The following SLC1A6 variants were observed in gnomAD, a reference collection of about 807,000 sequenced individuals.
The protein encoded by SLC1A6 is solute carrier family 1 member 6.
A neutral mutation model predicts 42.1 loss-of-function variants in SLC1A6; 15 were observed. The ratio of observed to expected loss-of-function variants is 0.36; its 90% CI spans 0.24 to 0.55. The LOEUF (loss-of-function observed/expected upper bound fraction) is 0.55. Among genes scored for constraint, SLC1A6 ranks in the 20% least tolerant of loss-of-function variants. SLC1A6 has a pLI of 0.88. For synonymous variants in SLC1A6, 317 were observed against 319.7 expected, an observed-to-expected ratio of 0.99 and a Z score of 0.09; for missense variants, 542 against 772.5, an observed-to-expected ratio of 0.70 and a Z score of 3.54.
chr19:14,961,765 T>G (rs978203592), intron 6 of SLC1A6: 10 of 511,006 alleles, frequency 2.0e-5, no homozygotes, highest in Non-Finnish European at 3.4e-5. Flanking sequence ...GAGTGAGATA[T>G]TCCATGAACT....
rs2045514815 is a variant in SLC1A6, at chr19:14,961,834, G to A, written c.935+168C>T. The A allele has an allele frequency of 4.0e-6, 4 of 995,730 alleles. No individual in the cohort carries two copies. In the South Asian group the frequency reaches 7.7e-5, roughly 19 times the overall value. The allele number at this position is 995,730 out of a possible 1,614,324, so 61.7% of individuals were successfully genotyped here. ...ATGAACAAGGAAGTCAACTAGTGATGAAATCATCCCAGAAAGACATGAATG... is the reference window on the plus strand; with the variant it reads ...ATGAACAAGGAAGTCAACTAGTGATAAAATCATCCCAGAAAGACATGAATG... On this transcript the variant is annotated intron_variant, in intron 6 of 9. Transcript: ENST00000594383.
chr19:14,962,590 A>T (rs935609235), intron 5 of SLC1A6, among the ~76,000 whole-genome samples: 1 of 152,182 alleles, frequency 6.6e-6, no homozygotes, highest in African/African-American at 2.4e-5. Flanking sequence ...GAAAAATCAT[A>T]TGGAGCTTCC....
intron 1 of SLC1A6, among the ~76,000 whole-genome samples, chr19:14,993,457 T>A (rs1290982748): frequency 1.3e-5 from 2 of 152,120 alleles, no homozygotes; most frequent in African/African-American, 2.4e-5. Context: ...TTTTATAATT[T>A]AAAAAAATCA....
rs2045420088 is a variant in SLC1A6 at position 14,952,256 on chromosome 19, A to G, written c.1499+672T>C. 2.2e-5 allele frequency among the ~76,000 whole-genome samples: 3 copies of G among 135,646 alleles called. No individual in the cohort carries two copies. In the South Asian group the frequency reaches 7.6e-4, roughly 34 times the overall value. 89.0% of individuals were successfully genotyped at this position (135,646 alleles called of 152,430 possible). On this transcript the variant is annotated intron_variant, in intron 9 of 9. Coordinates refer to ENST00000594383, the MANE Select transcript of SLC1A6 (RefSeq NM_005071.3). ...GGAGTTCAAGGCCAGCCTGGGCAAC[A>G]CAGCAAAACATAATCTCAAAAAAAA... is the stretch of plus-strand genomic sequence containing the variant.
intron 3 of SLC1A6, among the ~76,000 whole-genome samples, chr19:14,969,881 TGACC>T (rs1203959508): frequency 6.6e-6 from 1 of 152,226 alleles, no homozygotes; most frequent in African/African-American, 2.4e-5. Flanking sequence ...CGAGTACAAT[TGACC>T]CTTGAACAGC....
chr19:14,962,761 G>A (rs552942290), intron 5 of SLC1A6, among the ~76,000 whole-genome samples: 55 of 152,206 alleles, frequency 3.6e-4, no homozygotes, highest in African/African-American at 1.3e-3. Context: ...AAATTAGCTG[G>A]GTGTGGCAGT....
chr19:15,005,729 T>A lies in SLC1A6; in HGVS notation c.6+4756A>T, dbSNP rs144444027. 6.4e-3 allele frequency among the ~76,000 whole-genome samples: 981 copies of A among 152,334 alleles called. 8 individuals are homozygous for A. Among genetic ancestry groups the A allele is most frequent in the African/African-American group, 0.021 (891 of 41,572 alleles). ...TTTCAATGCTTAGATAATAGTATCA[T>A]ATACTAGCAGCGTGTTGGTGTCAGC... is the stretch of plus-strand genomic sequence containing the variant. On this transcript the variant is annotated intron_variant, in intron 1 of 8. Coordinates refer to the SLC1A6 transcript ENST00000430939.
chr19:14,953,166 A>G lies in SLC1A6; in HGVS notation c.1365-104T>C, dbSNP rs559183697. ...AGGGAAGAGATCAGCTCCCCAAGGCATTTTAAATTAAATACCCAAGCCAGA... is the reference window on the plus strand; with the variant it reads ...AGGGAAGAGATCAGCTCCCCAAGGCGTTTTAAATTAAATACCCAAGCCAGA... On this transcript the variant is annotated intron_variant, in intron 8 of 9. Transcript: ENST00000594383. 8.6e-4 allele frequency: 728 copies of G among 842,344 alleles called. 1 individual carries two copies. Among genetic ancestry groups the G allele is most frequent in the Middle Eastern group, 2.9e-3 (12 of 4,110 alleles). The allele number at this position is 842,344 out of a possible 1,614,324, so 52.2% of individuals were successfully genotyped here.
At chr19:15,009,352 C>T (rs1042819979) in intron 1 of SLC1A6, among the ~76,000 whole-genome samples, 2 of 143,774 alleles carry the variant, frequency 1.4e-5, no homozygotes, top group Non-Finnish European at 3.0e-5. Flanking sequence ...ATATATATAG[C>T]ATATATGTCA....
At chr19:15,003,393 G>A (rs1407267276) in intron 1 of SLC1A6, among the ~76,000 whole-genome samples, 1 of 152,176 alleles carries the variant, frequency 6.6e-6, no homozygotes, top group African/African-American at 2.4e-5. Context: ...GAACCAGGAA[G>A]CACCTCCTCT....
chr19:14,997,822 G>A (rs1232604660), intron 1 of SLC1A6, among the ~76,000 whole-genome samples: 2 of 152,156 alleles, frequency 1.3e-5, no homozygotes, highest in Non-Finnish European at 2.9e-5. Flanking sequence ...CAAGGTGTTG[G>A]TAGGGCTGTG....
chr19:14,954,433 C>A, intron 7 of SLC1A6, 104 bp from the exon 8 acceptor site: 1 of 1,026,648 alleles, frequency 9.7e-7, no homozygotes, highest in Non-Finnish European at 1.5e-6. Context: ...GGGGCGTGGC[C>A]GAAGAAAGGC....
chr19:14,988,261 C>T (rs527448975), intron 1 of SLC1A6, among the ~76,000 whole-genome samples: 8 of 152,324 alleles, frequency 5.3e-5, no homozygotes, highest in Admixed American at 1.3e-4. Flanking sequence ...TTCTCCCCAC[C>T]TCCCTCTGTG....
At chr19:14,957,327 T>C (rs1568284976) in intron 6 of SLC1A6, among the ~76,000 whole-genome samples, 1 of 152,168 alleles carries the variant, frequency 6.6e-6, no homozygotes, top group Non-Finnish European at 1.5e-5. Flanking sequence ...CATTCTGTTA[T>C]GGACTAAATG....
At chr19:15,009,732 C>T (rs1174246849) in intron 1 of SLC1A6, among the ~76,000 whole-genome samples, 1 of 152,186 alleles carries the variant, frequency 6.6e-6, no homozygotes, top group Non-Finnish European at 1.5e-5. Context: ...TGTAGCAAAA[C>T]TGCACTTGTA....
At chr19:14,969,681 C>T (rs923193413) in intron 3 of SLC1A6, among the ~76,000 whole-genome samples, 2 of 152,236 alleles carry the variant, frequency 1.3e-5, no homozygotes, top group African/African-American at 4.8e-5. Flanking sequence ...TTCTAGGAAA[C>T]CCAACCTAAG....
intron 1 of SLC1A6, among the ~76,000 whole-genome samples, chr19:15,009,020 A>AT (rs1345396554): frequency 3.5e-4 from 52 of 150,362 alleles, no homozygotes; most frequent in South Asian, 1.5e-3. Context: ...TATATATATA[A>AT]AATATACATA....
chr19:14,983,688 TA>T (rs1366710426), upstream of SLC1A6, among the ~76,000 whole-genome samples: 1 of 46,176 alleles, frequency 2.2e-5, no homozygotes, highest in East Asian at 7.3e-4. Context: ...ATTTTAGCTC[TA>T]AAAAACAACA....
upstream of SLC1A6, among the ~76,000 whole-genome samples, chr19:14,983,010 C>T (rs994730468): frequency 6.6e-5 from 10 of 152,096 alleles, no homozygotes; most frequent in East Asian, 3.8e-4. Flanking sequence ...CAAAAGGAAA[C>T]GGAATTTTTA....
Sources: gnomAD v4.1 joint callset for allele counts (sites outside exome capture counted in the v4.1 genomes callset) on GRCh38, gnomAD v4.1.1 for gene constraint, MANE v1.5 for transcripts, NCBI Gene and HGNC (gene_info 2026-07-23, HGNC 2026-07-21) for gene names.